ADGRF4: variants seen among roughly 807,000 people sequenced by gnomAD.
The protein encoded by ADGRF4 is adhesion G protein-coupled receptor F4, also known as G-protein coupled receptor PGR18.
Under a neutral mutation model 58.5 loss-of-function variants are expected in ADGRF4, and 63 were observed. That is an observed-to-expected ratio of 1.08 (90% confidence interval 0.88 to 1.33). ADGRF4 has a LOEUF of 1.33. Ranked by LOEUF, ADGRF4 falls within the 40% of genes most tolerant of loss-of-function variation. ADGRF4 has a pLI of 0.00. For synonymous variants in ADGRF4, 313 were observed against 295.4 expected (o/e 1.06, Z -0.61); for missense variants, 931 against 843.9 (o/e 1.10, Z -1.28).
At chr6:47,707,198 T>G in intron 1 of ADGRF4, 32 bp from the exon 2 acceptor site, 1 of 1,200,630 alleles carries the variant, frequency 8.3e-7, no homozygotes, top group Non-Finnish European at 1.2e-6. Context: ...GTTGTCACCT[T>G]CAGGTGGGTA....
At position 47,714,422 on chromosome 6, in the gene ADGRF4, T is replaced by C. The variant is rs79395681; in HGVS notation, c.1177T>C (p.Ser393Pro). Residue 393 changes from serine to proline, a missense_variant, in exon 6 of 10, where the codon TCC (serine) becomes CCC (proline). Physicochemically the swap from Ser to Pro is moderately conservative, Grantham distance 74 (BLOSUM62 -1). Coordinates refer to ENST00000283303, the MANE Select transcript of ADGRF4 (RefSeq NM_153838.5). Reference sequence around the variant, plus strand: ...GATGTCTTTTTCCATTCTCATGTCCTCCAAATCGATGACCGACAAAGTTCT... The same window carrying C: ...GATGTCTTTTTCCATTCTCATGTCCCCCAAATCGATGACCGACAAAGTTCT... ...VVMSFSILMS[S>P]KSMTDKVLDY... 1.4e-3 allele frequency: 2,268 copies of C among 1,614,064 alleles called. 21 individuals carry two copies. Among genetic ancestry groups the C allele is most frequent in the African/African-American group, 0.014 (1,018 of 75,008 alleles).
In ADGRF4 at chr6:47,708,253, G is replaced by C; in HGVS notation, c.123G>C (p.Gly41=). ...KAGDKLQSPE[G]KPKTGRIQEK... ...GAGATAAACTTCAAAGCCCTGAAGG[G>C]AAACCCAAGACTGGAAGGATCCAAG... Residue 41 remains glycine, a synonymous_variant, in exon 3 of 10, where the codon GGG becomes GGC. Coordinates refer to ENST00000283303, the MANE Select transcript of ADGRF4 (RefSeq NM_153838.5). The C allele has an allele frequency of 6.2e-7, 1 of 1,612,458 alleles. No homozygotes were observed. The highest frequency in any genetic ancestry group is 8.5e-7 in the Non-Finnish European group (1 of 1,178,570).
intron 1 of ADGRF4, among the ~76,000 whole-genome samples, chr6:47,699,093 C>T (rs1771526896): frequency 6.6e-6 from 1 of 152,248 alleles, no homozygotes; most frequent in Middle Eastern, 3.4e-3. Context: ...TGCATTGTCC[C>T]CTTGCTTGAT....
In ADGRF4 at chr6:47,714,738, T is replaced by A. The variant is rs2113905552; in HGVS notation, c.1493T>A (p.Ile498Asn). ...FFWMLFKALL[I>N]IYGILVIFRR... ...TGGATGCTCTTCAAAGCATTGCTCATCATTTATGGAATATTGGTCATTTTC... is the reference window on the plus strand; with the variant it reads ...TGGATGCTCTTCAAAGCATTGCTCAACATTTATGGAATATTGGTCATTTTC... The change falls in exon 6 of 10, where the codon ATC (isoleucine) becomes AAC (asparagine). Residue 498 changes from isoleucine to asparagine, a missense_variant. Physicochemically the swap from Ile to Asn is moderately radical, Grantham distance 149 (BLOSUM62 -3). Transcript: ENST00000283303. The A allele has an allele frequency of 1.2e-6, 2 of 1,614,068 alleles. No individual in the cohort carries two copies. Among genetic ancestry groups the A allele is most frequent in the Non-Finnish European group, 1.7e-6 (2 of 1,179,916 alleles).
chr6:47,699,574 C>T (rs1428426767), intron 1 of ADGRF4, among the ~76,000 whole-genome samples: 1 of 152,274 alleles, frequency 6.6e-6, no homozygotes, highest in East Asian at 1.9e-4. Flanking sequence ...AATCTGAATC[C>T]AGATTCCAAT....
rs1170541995 is a variant in ADGRF4 at position 47,712,471 on chromosome 6, T to A, written c.415T>A (p.Cys139Ser). 1 of 1,614,042 alleles carries A rather than the reference T, an allele frequency of 6.2e-7. No individual in the cohort carries two copies. Among genetic ancestry groups the A allele is most frequent in the Admixed American group, 1.7e-5 (1 of 60,010 alleles). Residue 139 changes from cysteine (C) to serine (S), a missense_variant, in exon 5 of 10, where the codon TGC becomes AGC. By Grantham distance (112) the Cys-to-Ser change is moderately radical (BLOSUM62 -1). Coordinates refer to ENST00000283303, the MANE Select transcript of ADGRF4 (RefSeq NM_153838.5). ...TGTAGCTCAAGGAATCCGTAAGAAC[T>A]GCCCCTTTGATTATGCCTGCATCAC... ...ESVAQGIRKN[C>S]PFDYACITDM...
chr6:47,716,488 G>A (rs1772021834), intron 6 of ADGRF4, among the ~76,000 whole-genome samples: 1 of 152,156 alleles, frequency 6.6e-6, no homozygotes, highest in Non-Finnish European at 1.5e-5. Flanking sequence ...CTGTCATCAC[G>A]AGTAGAAACA....
intron 6 of ADGRF4, among the ~76,000 whole-genome samples, chr6:47,716,418 G>A (rs371255971): frequency 9.2e-5 from 14 of 152,008 alleles, no homozygotes; most frequent in African/African-American, 2.2e-4. Flanking sequence ...TATAAGTTTC[G>A]TTTTCTTAAG....
intron 1 of ADGRF4, among the ~76,000 whole-genome samples, chr6:47,704,491 C>T (rs1771660546): frequency 6.6e-6 from 1 of 152,158 alleles, no homozygotes; most frequent in African/African-American, 2.4e-5. Flanking sequence ...CCTTGACACA[C>T]ACACCCTGTG....
chr6:47,706,671 C>T (rs1229437146), intron 1 of ADGRF4, among the ~76,000 whole-genome samples: 1 of 152,234 alleles, frequency 6.6e-6, no homozygotes, highest in Non-Finnish European at 1.5e-5. Context: ...ATGTCAATAG[C>T]ACCGTCACAG....
intron 1 of ADGRF4, among the ~76,000 whole-genome samples, chr6:47,702,472 T>C (rs547042381): frequency 1.3e-5 from 2 of 152,354 alleles, no homozygotes; most frequent in East Asian, 1.9e-4. Flanking sequence ...GGTCAGTCTA[T>C]ATAAATGCCT....
At position 47,698,794 on chromosome 6, in the gene ADGRF4, C is replaced by T. The variant is rs1250617393; in HGVS notation, c.-17C>T. ...GCTGCTAGATCTACTTCCTGGATGC[C>T]GTGAGTAGATGTCCTACACCAGCAC... On this transcript the variant is annotated splice_region_variant and 5_prime_UTR_variant, in exon 1 of 10. Coordinates refer to ENST00000283303, the MANE Select transcript of ADGRF4 (RefSeq NM_153838.5). 1 of 152,092 alleles carries T rather than the reference C, an allele frequency of 6.6e-6. No homozygotes were observed. Among genetic ancestry groups the T allele is most frequent in the African/African-American group, 2.4e-5 (1 of 41,402 alleles). The allele number at this position is 152,092 out of a possible 1,614,324, so 9.4% of individuals were successfully genotyped here.
Position 47,714,804 on chromosome 6 carries a change from C to T in ADGRF4, c.1559C>T (p.Ala520Val). ...TCCCGAATGATGGTCATTGGCTTTG[C>T]CATTGGCTATGGGTGCCCATTGATC... Reference protein sequence around the residue: ...MKSRMMVIGFAIGYGCPLIIA... With the variant: ...MKSRMMVIGFVIGYGCPLIIA... Residue 520 changes from alanine (A) to valine (V), a missense_variant, in exon 6 of 10, where the codon GCC becomes GTC. Coordinates refer to ENST00000283303, the MANE Select transcript of ADGRF4 (RefSeq NM_153838.5). 2 of 1,613,840 alleles carry T rather than the reference C, an allele frequency of 1.2e-6. No homozygotes were observed. The highest frequency in any genetic ancestry group is 1.7e-6 in the Non-Finnish European group (2 of 1,179,748).
chr6:47,702,283 T>C (rs1487242282), intron 1 of ADGRF4, among the ~76,000 whole-genome samples: 1 of 152,146 alleles, frequency 6.6e-6, no homozygotes. Flanking sequence ...GCAGTGGTGT[T>C]ACCCATCGTT....
intron 7 of ADGRF4, among the ~76,000 whole-genome samples, 191 bp from the exon 8 acceptor site, chr6:47,717,101 T>G (rs1458315670): frequency 3.3e-5 from 5 of 152,216 alleles, no homozygotes; most frequent in Admixed American, 3.3e-4. Context: ...ATTTTAGTCC[T>G]AATACCAAAT....
At chr6:47,709,786 A>C (rs1033932379) in intron 3 of ADGRF4, among the ~76,000 whole-genome samples, 1 of 151,650 alleles carries the variant, frequency 6.6e-6, no homozygotes, top group African/African-American at 2.4e-5. Context: ...GTGATGCTTT[A>C]CCTTCTTGTT....
chr6:47,718,357 A>T (rs1772080005), intron 8 of ADGRF4, 32 bp from the exon 9 acceptor site: 1 of 1,172,494 alleles, frequency 8.5e-7, no homozygotes, highest in Non-Finnish European at 1.3e-6. Flanking sequence ...ATAATTACTC[A>T]TTACCACTAC....
chr6:47,714,214 G>A lies in ADGRF4; in HGVS notation c.969G>A (p.Val323=). 1.2e-6 allele frequency: 2 copies of A among 1,614,094 alleles called. No homozygotes were observed. Among genetic ancestry groups the A allele is most frequent in the Admixed American group, 3.3e-5 (2 of 60,022 alleles). ...PRQVNGLVLS[V]VLPERLQEII... is the part of the protein sequence containing the mutation. ...AGGTAAATGGTCTGGTGCTATCAGT[G>A]GTTTTACCAGAAAGGTTGCAAGAAA... is the stretch of plus-strand genomic sequence containing the variant. Residue 323 remains valine, a synonymous_variant, in exon 6 of 10, where the codon GTG becomes GTA. Transcript: ENST00000283303.
In ADGRF4 at chr6:47,714,298, C is replaced by T; in HGVS notation, c.1053C>T (p.Gly351=). Reference sequence around the variant, plus strand: ...GCAATGCCAGAGCCCAGTGTGTTGGCTGGCACTCCAAGAAAAGGAGATGGG... The same window carrying T: ...GCAATGCCAGAGCCCAGTGTGTTGGTTGGCACTCCAAGAAAAGGAGATGGG... ...KTRNARAQCV[G]WHSKKRRWDE... The change falls in exon 6 of 10, where the codon GGC becomes GGT. Residue 351 remains glycine (G), a synonymous_variant. Transcript: ENST00000283303. The T allele has an allele frequency of 5.6e-6, 9 of 1,614,206 alleles. No homozygotes were observed. Among genetic ancestry groups the T allele is most frequent in the Non-Finnish European group, 6.8e-6 (8 of 1,180,036 alleles).
Sources: gnomAD v4.1 joint callset for allele counts (sites outside exome capture counted in the v4.1 genomes callset) on GRCh38, gnomAD v4.1.1 for gene constraint, MANE v1.5 for transcripts, NCBI Gene and HGNC (gene_info 2026-07-23, HGNC 2026-07-21) for gene names.